PCDHA8: variants seen among roughly 807,000 people sequenced by gnomAD.
PCDHA8 encodes protocadherin alpha-8.
A neutral mutation model predicts 61.8 loss-of-function variants in PCDHA8; 53 were observed. The ratio of observed to expected loss-of-function variants is 0.86; its 90% CI spans 0.69 to 1.08. The LOEUF (loss-of-function observed/expected upper bound fraction) is 1.08, where lower values mean the gene tolerates loss of function less well. Ranked by LOEUF, PCDHA8 falls within the 50% of genes least tolerant of loss-of-function variation. The probability of loss-of-function intolerance (pLI) is 0.00; values close to 1 mark genes in which losing one functional copy is unlikely to be tolerated. For synonymous variants in PCDHA8, 618 were observed against 556.6 expected (o/e 1.11, Z -1.55); for missense variants, 1,293 against 1,245.0 (o/e 1.04, Z -0.58).
chr5:140,869,157 TCTC>T (rs1201897612), intron 1 of PCDHA8: 2 of 1,613,798 alleles, frequency 1.2e-6, no homozygotes, highest in South Asian at 1.1e-5. Context: ...AGCTCTGGCT[TCTC>T]CTCCTCGAAT....
intron 1 of PCDHA8, chr5:140,875,499 G>A (rs782342111): frequency 1.9e-6 from 3 of 1,613,354 alleles, no homozygotes; most frequent in Non-Finnish European, 2.5e-6. Context: ...CAAGAGGCCC[G>A]GGATCCCAGC....
chr5:140,921,283 C>T (rs1484079224), intron 1 of PCDHA8, among the ~76,000 whole-genome samples: 2 of 151,974 alleles, frequency 1.3e-5, no homozygotes, highest in Non-Finnish European at 2.9e-5. Flanking sequence ...TTGAAAAAAA[C>T]CTCAAATTTG....
intron 1 of PCDHA8, chr5:140,927,070 A>G (rs1697871410): frequency 1.9e-6 from 3 of 1,610,816 alleles, no homozygotes; most frequent in Non-Finnish European, 2.5e-6. Context: ...CTTCCTTTCC[A>G]GCCACCGCGA....
chr5:140,850,725 G>A, intron 1 of PCDHA8: 1 of 1,597,982 alleles, frequency 6.3e-7, no homozygotes. Context: ...GTGTTCTAGC[G>A]CGGTGGGGAG....
chr5:140,973,606 G>T (rs1554235444), intron 1 of PCDHA8, among the ~76,000 whole-genome samples: 1 of 152,204 alleles, frequency 6.6e-6, no homozygotes, highest in African/African-American at 2.4e-5. Flanking sequence ...TTATGGCTGA[G>T]CTCTTCTCTG....
At chr5:140,956,701 G>A (rs549659732) in intron 1 of PCDHA8, among the ~76,000 whole-genome samples, 30 of 152,256 alleles carry the variant, frequency 2.0e-4, no homozygotes, top group Admixed American at 1.4e-3. Context: ...CCATTGTTTG[G>A]AATAGCTTCA....
intron 1 of PCDHA8, chr5:140,927,902 C>T (rs782319959): frequency 1.5e-5 from 25 of 1,614,182 alleles, no homozygotes; most frequent in Non-Finnish European, 2.1e-5. Flanking sequence ...AACGATCATG[C>T]CCCCGAACTG....
chr5:140,900,543 C>T (rs889758586), intron 1 of PCDHA8, among the ~76,000 whole-genome samples: 2 of 152,210 alleles, frequency 1.3e-5, no homozygotes, highest in African/African-American at 4.8e-5. Context: ...TTCCAAAGTG[C>T]TGGGATTACA....
In PCDHA8 at chr5:140,984,045, T is replaced by C. The variant is rs77384794; in HGVS notation, c.2542+1482T>C. Among the ~76,000 whole-genome samples, 455 of 152,316 alleles carry C rather than the reference T, an allele frequency of 3.0e-3. 7 individuals carry two copies. In the East Asian group the frequency reaches 0.044, roughly 15 times the overall value. On this transcript the variant is annotated intron_variant, in intron 3 of 3. Transcript: ENST00000531613. ...AAGGGGAAAAACATAAAATAGTTCA[T>C]TGACAAATCTGTACCCTCAGTGCCA... is the stretch of plus-strand genomic sequence containing the variant.
intron 1 of PCDHA8, among the ~76,000 whole-genome samples, chr5:140,934,086 G>C (rs540895208): frequency 1.3e-5 from 2 of 151,872 alleles, no homozygotes; most frequent in Admixed American, 1.3e-4. Context: ...TCGCTTTGTT[G>C]TATGTTTGCT....
In PCDHA8 at chr5:140,898,801, A is replaced by T. The variant is rs1275933236; in HGVS notation, c.2394+55086A>T. The stretch of plus-strand genomic sequence containing the variant: ...TGGGCAGTATGGCCATTTTCACGAT[A>T]CTGATTCTTCCTACCCATGAGCATG... On this transcript the variant is annotated intron_variant, in intron 1 of 3. Coordinates refer to ENST00000531613, the MANE Select transcript of PCDHA8 (RefSeq NM_018911.3). Among the ~76,000 whole-genome samples the T allele has an allele frequency of 1.3e-5, 2 of 152,200 alleles. 1 individual carries two copies. The highest frequency in any genetic ancestry group is 3.8e-4 in the East Asian group (2 of 5,198).
At chr5:140,917,340 T>TGGGGG (rs2078149834) in intron 1 of PCDHA8, among the ~76,000 whole-genome samples, 2 of 133,058 alleles carry the variant, frequency 1.5e-5, no homozygotes, top group African/African-American at 2.7e-5. Flanking sequence ...AGGGGGGGGA[T>TGGGGG]GGTGTAGGCT....
intron 1 of PCDHA8, chr5:140,868,982 A>T: frequency 6.7e-7 from 1 of 1,495,310 alleles, no homozygotes; most frequent in East Asian, 2.3e-5. Context: ...ATCATACCGG[A>T]TGCCACCGTT....
rs181377286 is a variant in PCDHA8 at position 140,886,682 on chromosome 5, G to C, written c.2394+42967G>C. Among the ~76,000 whole-genome samples, 463 of 151,736 alleles carry C rather than the reference G, an allele frequency of 3.1e-3. 3 individuals carry two copies. Among genetic ancestry groups the C allele is most frequent in the Middle Eastern group, 0.014 (4 of 294 alleles). The stretch of plus-strand genomic sequence containing the variant: ...CTCTACTAAAAATACAAAAATTAGC[G>C]AGGCATGGTGGCACGCGCCTGTAAT... On this transcript the variant is annotated intron_variant, in intron 1 of 3. Coordinates refer to ENST00000531613, the MANE Select transcript of PCDHA8 (RefSeq NM_018911.3).
intron 1 of PCDHA8, among the ~76,000 whole-genome samples, chr5:140,844,747 T>A (rs1779528592): frequency 6.7e-6 from 1 of 149,678 alleles, no homozygotes; most frequent in South Asian, 2.1e-4. Context: ...TATTATGGGA[T>A]AAATCTTTGA....
intron 3 of PCDHA8, among the ~76,000 whole-genome samples, chr5:141,004,848 CAG>C (rs1554259777): frequency 6.6e-6 from 1 of 152,190 alleles, no homozygotes; most frequent in Non-Finnish European, 1.5e-5. Context: ...TCATTAGTCT[CAG>C]AGAAAAAATT....
intron 1 of PCDHA8, chr5:140,928,913 G>T (rs782438428): frequency 2.5e-6 from 4 of 1,614,132 alleles, no homozygotes; most frequent in Non-Finnish European, 2.5e-6. Flanking sequence ...TGGGAACCAG[G>T]AGGGCAGCTT....
chr5:141,008,837 C>G (rs1460664317), intron 3 of PCDHA8, among the ~76,000 whole-genome samples: 1 of 152,178 alleles, frequency 6.6e-6, no homozygotes, highest in Non-Finnish European at 1.5e-5. Flanking sequence ...CATCCTCTTA[C>G]GCTGTGTATT....
At chr5:140,871,334 T>G (rs1554165439) in intron 1 of PCDHA8, 1 of 1,614,044 alleles carries the variant, frequency 6.2e-7, no homozygotes, top group African/African-American at 1.3e-5. Flanking sequence ...TCCCGCGCGG[T>G]GGGGAGCTGG....
Sources: allele counts gnomAD v4.1 joint callset (sites outside exome capture counted in the v4.1 genomes callset), GRCh38; gene constraint gnomAD v4.1.1; transcripts MANE v1.5; gene names NCBI Gene and HGNC (gene_info 2026-07-23, HGNC 2026-07-21).